The following FGD4 variants were observed in gnomAD, a reference collection of about 807,000 sequenced individuals.
FGD4 encodes the protein FYVE, RhoGEF and PH domain-containing protein 4.
Under a neutral mutation model 102.0 loss-of-function variants are expected in FGD4, and 42 were observed. The observed-to-expected ratio is 0.41, with a 90% CI of 0.32 to 0.53. The LOEUF (loss-of-function observed/expected upper bound fraction) is 0.53, where lower values mean the gene tolerates loss of function less well. Among genes scored for constraint, FGD4 ranks in the 20% least tolerant of loss-of-function variants. The probability of loss-of-function intolerance (pLI) is 0.21; values close to 1 mark genes in which losing one functional copy is unlikely to be tolerated. For synonymous variants in FGD4, 380 were observed against 375.7 expected (o/e 1.01, Z -0.13); for missense variants, 902 against 1,078.2 (o/e 0.84, Z 2.29).
At chr12:32,520,440 GT>G (rs1167066001) in intron 1 of FGD4, among the ~76,000 whole-genome samples, 41 of 134,060 alleles carry the variant, frequency 3.1e-4, no homozygotes, top group East Asian at 4.2e-4. Flanking sequence ...TTTGTTTTTT[GT>G]TTTTTTTTTT....
In FGD4 at chr12:32,424,846, T is replaced by A. The variant is rs542511075; in HGVS notation, c.166+24887T>A. ...GTGATGATGAGCTTTTTTTCATATG[T>A]TTGTTGCCTGCATAAATGTCTTCTT... On this transcript the variant is annotated intron_variant, in intron 1 of 16. Coordinates refer to ENST00000534526, the MANE Select transcript of FGD4 (RefSeq NM_001370298.3). 6.6e-5 allele frequency among the ~76,000 whole-genome samples: 10 copies of A among 152,368 alleles called. No individual in the cohort carries two copies. In the South Asian group the frequency reaches 2.1e-3, roughly 32 times the overall value.
intron 1 of FGD4, among the ~76,000 whole-genome samples, chr12:32,507,836 T>C (rs942296106): frequency 2.6e-5 from 4 of 152,364 alleles, no homozygotes; most frequent in Admixed American, 6.5e-5. Flanking sequence ...CAAGTTGTGC[T>C]GACAATGATG....
intron 1 of FGD4, among the ~76,000 whole-genome samples, chr12:32,462,934 C>T (rs1943146513): frequency 6.6e-6 from 1 of 152,234 alleles, no homozygotes; most frequent in Non-Finnish European, 1.5e-5. Flanking sequence ...CTTCTGCTCA[C>T]CCTGTATTTC....
intron 11 of FGD4, 117 bp downstream of exon 11, chr12:32,619,987 G>A: frequency 8.0e-7 from 1 of 1,244,202 alleles, no homozygotes; most frequent in Non-Finnish European, 1.2e-6. Context: ...CTGGAACTCT[G>A]GTTGGATGTA....
intron 1 of FGD4, among the ~76,000 whole-genome samples, chr12:32,417,426 T>C (rs777053582): frequency 2.8e-4 from 42 of 151,892 alleles, no homozygotes; most frequent in Non-Finnish European, 3.4e-4. Flanking sequence ...CACTGAAAAG[T>C]GCTAGATGTA....
At chr12:32,589,658 CACTT>C (rs1418484088) in intron 4 of FGD4, among the ~76,000 whole-genome samples, 1 of 152,188 alleles carries the variant, frequency 6.6e-6, no homozygotes, top group African/African-American at 2.4e-5. Flanking sequence ...TCTTCACCAC[CACTT>C]ACTTCCTGTC....
intron 1 of FGD4, among the ~76,000 whole-genome samples, chr12:32,422,174 A>G (rs1941654585): frequency 6.6e-6 from 1 of 151,548 alleles, no homozygotes; most frequent in Non-Finnish European, 1.5e-5. Flanking sequence ...ATGAGACTAT[A>G]AAACATCTGA....
At chr12:32,536,311 T>C (rs1280327666) in intron 1 of FGD4, among the ~76,000 whole-genome samples, 1 of 152,152 alleles carries the variant, frequency 6.6e-6, no homozygotes, top group Non-Finnish European at 1.5e-5. Context: ...ATTTAATCAG[T>C]TCTTCTTAGA....
At chr12:32,531,217 G>T (rs1029872851) in intron 1 of FGD4, among the ~76,000 whole-genome samples, 1 of 151,812 alleles carries the variant, frequency 6.6e-6, no homozygotes, top group African/African-American at 2.4e-5. Flanking sequence ...CCAAAGTGCT[G>T]GGATTATAGC....
intron 1 of FGD4, among the ~76,000 whole-genome samples, chr12:32,401,969 C>G (rs2136375967): frequency 6.8e-6 from 1 of 147,002 alleles, no homozygotes; most frequent in East Asian, 2.0e-4. Context: ...GTGACGCAAT[C>G]TTGGCTCACT....
At chr12:32,587,621 GCTCAAGTGATCCACCCGC>G (rs1947152955) in intron 4 of FGD4, among the ~76,000 whole-genome samples, 1 of 151,928 alleles carries the variant, frequency 6.6e-6, no homozygotes, top group South Asian at 2.1e-4. Flanking sequence ...GAACTCCTGA[GCTCAAGTGATCCACCCGC>G]CTCAGCCTCC....
chr12:32,600,508 A>G, intron 5 of FGD4: 1 of 1,233,978 alleles, frequency 8.1e-7, no homozygotes, highest in South Asian at 1.4e-5. Context: ...GGCAATTAAG[A>G]GGTATAGTAG....
intron 1 of FGD4, among the ~76,000 whole-genome samples, chr12:32,540,439 G>T (rs950664189): frequency 2.6e-5 from 4 of 152,320 alleles, no homozygotes; most frequent in Non-Finnish European, 5.9e-5. Context: ...CATATGAAAA[G>T]AGAACTGTGT....
chr12:32,509,917 C>T lies in FGD4; in HGVS notation c.167-54220C>T, dbSNP rs545603193. 2.0e-5 allele frequency among the ~76,000 whole-genome samples: 3 copies of T among 152,202 alleles called. No homozygotes were observed. The East Asian group carries it at 5.8e-4, about 29-fold the overall frequency. ...GGCCACCTCTAATCTCAGATTATAC[C>T]CTTTCCAGTGCCCAGTAGAAACACA... is the stretch of plus-strand genomic sequence containing the variant. On this transcript the variant is annotated intron_variant, in intron 1 of 16. Transcript: ENST00000534526.
At chr12:32,502,750 A>T (rs1239234224) in intron 1 of FGD4, among the ~76,000 whole-genome samples, 1 of 152,214 alleles carries the variant, frequency 6.6e-6, no homozygotes, top group East Asian at 1.9e-4. Flanking sequence ...ATTAATGATT[A>T]TTCTGGCCCA....
intron 14 of FGD4, among the ~76,000 whole-genome samples, chr12:32,626,427 A>G (rs1950175092): frequency 6.7e-6 from 1 of 149,054 alleles, no homozygotes; most frequent in South Asian, 2.2e-4. Context: ...CCGGGCAGCA[A>G]GAGTGAAACT....
At chr12:32,465,300 G>T (rs1345815373) in intron 1 of FGD4, among the ~76,000 whole-genome samples, 3 of 151,404 alleles carry the variant, frequency 2.0e-5, no homozygotes, top group Non-Finnish European at 4.4e-5. Context: ...TTTCTTCCTT[G>T]TCTTAAGAAA....
intron 1 of FGD4, among the ~76,000 whole-genome samples, chr12:32,547,656 G>A (rs1019345793): frequency 6.6e-6 from 1 of 152,204 alleles, no homozygotes; most frequent in Admixed American, 6.5e-5. Flanking sequence ...ACAGTAGTAA[G>A]AATAGCAGTA....
Position 32,633,105 on chromosome 12 carries a change from G to A in FGD4, c.2173-444G>A, listed in dbSNP as rs73085454. On this transcript the variant is annotated intron_variant, in intron 14 of 16. Coordinates refer to ENST00000534526, the MANE Select transcript of FGD4 (RefSeq NM_001370298.3). ...GGACTTTGTAAAATGGAAAATCTTT[G>A]GGTAAGATCGAAAGAGGTTCTGGGG... 5.7e-3 allele frequency among the ~76,000 whole-genome samples: 855 copies of A among 150,406 alleles called. 4 individuals carry two copies. Among genetic ancestry groups the A allele is most frequent in the Middle Eastern group, 0.018 (5 of 284 alleles).
Sources: gnomAD v4.1 joint callset for allele counts (sites outside exome capture counted in the v4.1 genomes callset) on GRCh38, gnomAD v4.1.1 for gene constraint, MANE v1.5 for transcripts, NCBI Gene and HGNC (gene_info 2026-07-23, HGNC 2026-07-21) for gene names.